The following TAOK1 variants were observed in gnomAD, a reference collection of about 807,000 sequenced individuals.
The protein encoded by TAOK1 is serine/threonine-protein kinase TAO1.
Under a neutral mutation model 138.3 loss-of-function variants are expected in TAOK1, and 21 were observed. The observed-to-expected ratio is 0.15, with a 90% CI of 0.11 to 0.22. TAOK1 has a LOEUF of 0.22. Ranked by LOEUF, TAOK1 falls within the 10% of genes least tolerant of loss-of-function variation. The pLI is 1.00. For missense variants in TAOK1, 651 were observed against 1,227.7 expected, an observed-to-expected ratio of 0.53 and a Z score of 7.02; for synonymous variants, 361 against 398.4, an observed-to-expected ratio of 0.91 and a Z score of 1.12.
At chr17:29,427,791 G>A (rs1367833464) in intron 1 of TAOK1, among the ~76,000 whole-genome samples, 1 of 151,914 alleles carries the variant, frequency 6.6e-6, no homozygotes, top group Non-Finnish European at 1.5e-5. Flanking sequence ...GCTGGGCGTG[G>A]TGGTGGACGC....
At chr17:29,492,988 A>C (rs1383782981) in intron 10 of TAOK1, among the ~76,000 whole-genome samples, 1 of 151,302 alleles carries the variant, frequency 6.6e-6, no homozygotes, top group African/African-American at 2.4e-5. Flanking sequence ...TAATAATACA[A>C]AAATTAGCTG....
chr17:29,491,019 T>C (rs140886966), intron 9 of TAOK1, among the ~76,000 whole-genome samples: 198 of 152,330 alleles, frequency 1.3e-3, no homozygotes, highest in African/African-American at 4.6e-3. Context: ...ACATCAGTTT[T>C]GGAGAAACAA....
chr17:29,422,931 A>C (rs956624597), intron 1 of TAOK1, among the ~76,000 whole-genome samples: 1 of 152,152 alleles, frequency 6.6e-6, no homozygotes, highest in Non-Finnish European at 1.5e-5. Flanking sequence ...AGGCTGAGGC[A>C]TGAGAATCAC....
intron 3 of TAOK1, among the ~76,000 whole-genome samples, chr17:29,471,776 C>CA (rs1245235968): frequency 2.0e-5 from 3 of 152,134 alleles, no homozygotes; most frequent in Non-Finnish European, 2.9e-5. Context: ...TTCTCTTTCA[C>CA]AAAAGATTTC....
chr17:29,504,102 C>T (rs2031581398), intron 13 of TAOK1, among the ~76,000 whole-genome samples: 1 of 140,094 alleles, frequency 7.1e-6, no homozygotes, highest in South Asian at 2.3e-4. Context: ...CAGAGGTAGA[C>T]CCTATCTCAA....
At chr17:29,457,798 C>T (rs1178951925) in intron 2 of TAOK1, among the ~76,000 whole-genome samples, 1 of 151,714 alleles carries the variant, frequency 6.6e-6, no homozygotes, top group Non-Finnish European at 1.5e-5. Flanking sequence ...TGGCCTAGCC[C>T]AGTTGACAGA....
intron 1 of TAOK1, among the ~76,000 whole-genome samples, chr17:29,392,841 A>G (rs907412311): frequency 3.4e-4 from 52 of 152,158 alleles, no homozygotes; most frequent in African/African-American, 1.2e-3. Context: ...ATGTTGTCCA[A>G]TAGAGCTTTT....
Position 29,468,135 on chromosome 17 carries a change from A to AT in TAOK1, c.204+936dup, listed in dbSNP as rs761962930. On this transcript the variant is annotated intron_variant, in intron 3 of 19. Coordinates refer to ENST00000261716, the MANE Select transcript of TAOK1 (RefSeq NM_020791.4). ...AACCACTGTGCTTGGCCTGCTTTCA[A>AT]TTTTTTTTTTTTTTTTTAGGAGCTG... 2.0e-3 allele frequency among the ~76,000 whole-genome samples: 155 copies of AT among 76,044 alleles called. 13 individuals are homozygous for AT. Among genetic ancestry groups the AT allele is most frequent in the South Asian group, 4.5e-3 (10 of 2,204 alleles). The allele number at this position is 76,044 out of a possible 152,430, so 49.9% of individuals were successfully genotyped here. A position where few individuals can be genotyped will look rare whatever the true frequency, so the allele number is the denominator to read the frequency against.
At chr17:29,474,026 G>C (rs767703821) in intron 3 of TAOK1, among the ~76,000 whole-genome samples, 1 of 152,176 alleles carries the variant, frequency 6.6e-6, no homozygotes, top group South Asian at 2.1e-4. Context: ...GTGAGCTACC[G>C]TGCCGGCCTA....
chr17:29,467,277 A>G, intron 3 of TAOK1, 61 bp downstream of exon 3: 1 of 1,111,812 alleles, frequency 9.0e-7, no homozygotes, highest in Non-Finnish European at 1.3e-6. Context: ...AAATATATAC[A>G]TTCTTTTTTT....
chr17:29,538,546 T>C (rs1053031247), intron 19 of TAOK1, among the ~76,000 whole-genome samples: 2 of 152,176 alleles, frequency 1.3e-5, no homozygotes, highest in Non-Finnish European at 2.9e-5. Flanking sequence ...TGTAAAATCC[T>C]AAAAGCTGTG....
intron 1 of TAOK1, among the ~76,000 whole-genome samples, chr17:29,401,460 A>G (rs962508705): frequency 2.0e-5 from 3 of 152,146 alleles, no homozygotes; most frequent in African/African-American, 7.2e-5. Flanking sequence ...CAAGCGAGTG[A>G]AGGGGGAAGT....
intron 1 of TAOK1, among the ~76,000 whole-genome samples, chr17:29,418,829 C>T (rs1020085743): frequency 6.6e-6 from 1 of 151,830 alleles, no homozygotes; most frequent in Non-Finnish European, 1.5e-5. Context: ...GAACGTGGAA[C>T]TAAGGATACA....
intron 1 of TAOK1, among the ~76,000 whole-genome samples, chr17:29,402,430 G>A (rs1401398434): frequency 6.6e-6 from 1 of 151,990 alleles, no homozygotes; most frequent in African/African-American, 2.4e-5. Flanking sequence ...AGCCTACCAA[G>A]TAGCTGAGAC....
intron 1 of TAOK1, among the ~76,000 whole-genome samples, chr17:29,439,864 TAAAAAAA>T (rs371960597): frequency 1.7e-5 from 2 of 118,142 alleles, no homozygotes; most frequent in African/African-American, 6.3e-5. Flanking sequence ...CTCTGTCTCC[TAAAAAAA>T]AAAAAAAAAA....
At chr17:29,511,170 T>C in intron 15 of TAOK1, 178 bp downstream of exon 15, 1 of 388,598 alleles carries the variant, frequency 2.6e-6, no homozygotes, top group South Asian at 1.2e-4. Context: ...AGTCATTTAG[T>C]TGAGTAGGAT....
At chr17:29,434,141 C>G (rs999654787) in intron 1 of TAOK1, among the ~76,000 whole-genome samples, 1 of 152,176 alleles carries the variant, frequency 6.6e-6, no homozygotes, top group African/African-American at 2.4e-5. Context: ...AAAAACCCGA[C>G]TGGTAAAGAA....
intron 17 of TAOK1, among the ~76,000 whole-genome samples, chr17:29,526,318 A>G (rs1020799846): frequency 6.6e-6 from 1 of 152,178 alleles, no homozygotes; most frequent in South Asian, 2.1e-4. Context: ...AAGCCTTTTA[A>G]AAGAATGGAT....
rs778599425 is a variant in TAOK1 at position 29,467,195 on chromosome 17, T to C, written c.183T>C (p.Tyr61=). Residue 61 remains tyrosine, a synonymous_variant, in exon 3 of 20, where the codon TAT becomes TAC. Transcript: ENST00000261716. ...NEVVAIKKMS[Y]SGKQSTEKWQ... ...TGGTGGCCATCAAGAAAATGTCTTA[T>C]AGTGGAAAGCAGTCTACTGAGGTAG... is the stretch of plus-strand genomic sequence containing the variant. 9.3e-6 allele frequency: 15 copies of C among 1,605,554 alleles called. 1 individual carries two copies. The highest frequency in any genetic ancestry group is 1.1e-5 in the South Asian group (1 of 89,572).
Sources: allele counts gnomAD v4.1 joint callset (sites outside exome capture counted in the v4.1 genomes callset), GRCh38; gene constraint gnomAD v4.1.1; transcripts MANE v1.5; gene names NCBI Gene and HGNC (gene_info 2026-07-23, HGNC 2026-07-21).